The following PILRA variants were observed in gnomAD, a reference collection of about 807,000 sequenced individuals.
PILRA encodes the protein paired immunoglobin like type 2 receptor alpha, also known as paired immunoglobulin-like type 2 receptor alpha.
In PILRA, 37 loss-of-function variants were observed where a neutral mutation model predicts 33.1. The ratio of observed to expected loss-of-function variants is 1.12; its 90% CI spans 0.86 to 1.47. The LOEUF is 1.47. Ranked by LOEUF, PILRA falls within the 40% of genes most tolerant of loss-of-function variation. The pLI is 0.00. For missense variants in PILRA, 312 were observed against 376.2 expected (o/e 0.83, Z 1.41); for synonymous variants, 146 against 149.9 (o/e 0.97, Z 0.19).
chr7:100,377,319 C>G (rs919341733), intron 2 of PILRA, among the ~76,000 whole-genome samples: 1 of 141,696 alleles, frequency 7.1e-6, no homozygotes, highest in Non-Finnish European at 1.5e-5. Context: ...CGGCTCGCTG[C>G]AAACTCCGCC....
At chr7:100,388,578 GAA>G (rs549657334) in intron 2 of PILRA, among the ~76,000 whole-genome samples, 28 of 144,564 alleles carry the variant, frequency 1.9e-4, no homozygotes, top group Non-Finnish European at 4.0e-4. Flanking sequence ...ACTAAAAAAA[GAA>G]AAAAAAAATA....
intron 2 of PILRA, 55 bp downstream of exon 2, chr7:100,374,488 T>A: frequency 6.2e-7 from 1 of 1,605,986 alleles, no homozygotes; most frequent in Non-Finnish European, 8.5e-7. Flanking sequence ...GCTTTTATGA[T>A]CACTGGTGAC....
chr7:100,377,391 C>T (rs1393346442), intron 2 of PILRA, among the ~76,000 whole-genome samples: 1 of 151,680 alleles, frequency 6.6e-6, no homozygotes, highest in African/African-American at 2.4e-5. Flanking sequence ...CAGGTGCCCG[C>T]CACCGTGCCC....
intron 3 of PILRA, among the ~76,000 whole-genome samples, chr7:100,394,490 T>C (rs1791451077): frequency 6.7e-6 from 1 of 148,190 alleles, no homozygotes; most frequent in South Asian, 2.1e-4. Context: ...TTATACACCA[T>C]GGGCCAGGCA....
intron 3 of PILRA, among the ~76,000 whole-genome samples, chr7:100,392,495 C>T (rs765175567): frequency 3.3e-5 from 5 of 152,164 alleles, no homozygotes; most frequent in Admixed American, 6.5e-5. Flanking sequence ...ATTAAATGTA[C>T]TGTGTTTAGA....
intron 1 of PILRA, 25 bp from the exon 2 acceptor site, chr7:100,374,019 C>T: frequency 6.2e-7 from 1 of 1,609,194 alleles, no homozygotes; most frequent in South Asian, 1.1e-5. Context: ...AGGTCTCTCC[C>T]CTACTCACTC....
At chr7:100,387,300 G>A (rs1398216132) in intron 2 of PILRA, among the ~76,000 whole-genome samples, 5 of 152,164 alleles carry the variant, frequency 3.3e-5, no homozygotes, top group East Asian at 1.9e-4. Context: ...TGCAACCTCC[G>A]CCTCCCAGGT....
In PILRA at chr7:100,389,980, G is replaced by T. The variant is rs775184667; in HGVS notation, c.547G>T (p.Gly183Cys). 13 of 1,614,010 alleles carry T rather than the reference G, an allele frequency of 8.1e-6. No individual in the cohort carries two copies. Among genetic ancestry groups the T allele is most frequent in the Non-Finnish European group, 8.5e-6 (10 of 1,179,978 alleles). Reference sequence around the variant, plus strand: ...CACAACCGGCCTCAGGGTCACACAGGGCAAACGACGCTCAGACTCTTGGCA... The same window carrying T: ...CACAACCGGCCTCAGGGTCACACAGTGCAAACGACGCTCAGACTCTTGGCA... ...TTTTGLRVTQ[G>C]KRRSDSWHIS... Residue 183 changes from glycine to cysteine, a missense_variant, in exon 3 of 7, where the codon GGC (glycine) becomes TGC (cysteine). Transcript: ENST00000198536.
intron 2 of PILRA, among the ~76,000 whole-genome samples, chr7:100,377,736 G>T (rs1007046917): frequency 6.6e-6 from 1 of 151,086 alleles, no homozygotes; most frequent in Non-Finnish European, 1.5e-5. Context: ...ACAGAGCAAG[G>T]CTTCTTAATT....
intron 2 of PILRA, among the ~76,000 whole-genome samples, chr7:100,389,571 A>T (rs1454144791): frequency 6.6e-6 from 1 of 151,562 alleles, no homozygotes; most frequent in Non-Finnish European, 1.5e-5. Context: ...AGGAAGAAAT[A>T]AAATTAAAGG....
chr7:100,382,097 G>A (rs1329750692), intron 2 of PILRA, among the ~76,000 whole-genome samples: 4 of 147,554 alleles, frequency 2.7e-5, no homozygotes, highest in African/African-American at 9.9e-5. Flanking sequence ...CCCATCGACC[G>A]CCCAAGGGCC....
At chr7:100,394,742 G>A (rs1049121378) in intron 3 of PILRA, among the ~76,000 whole-genome samples, 5 of 152,218 alleles carry the variant, frequency 3.3e-5, no homozygotes, top group African/African-American at 1.2e-4. Context: ...ATGGGCAAAG[G>A]ACAATCTCTT....
At chr7:100,391,818 G>C (rs1742674050) in intron 3 of PILRA, among the ~76,000 whole-genome samples, 1 of 152,222 alleles carries the variant, frequency 6.6e-6, no homozygotes, top group African/African-American at 2.4e-5. Flanking sequence ...AGGAGATCAT[G>C]CTTGGAGGGG....
In PILRA at chr7:100,399,319, TATGAGA is replaced by T; in HGVS notation, c.739_744del (p.Glu247_Asn248del). On this transcript the variant is annotated inframe_deletion, in exon 5 of 7. Coordinates refer to ENST00000198536, the MANE Select transcript of PILRA (RefSeq NM_013439.3). ...ACCCTTCCAAAACACAGAGGAGCCA[TATGAGA>T]ATATCAGGAATGAAGGTGAGTCCTT... The T allele has an allele frequency of 1.9e-6, 3 of 1,612,702 alleles. No homozygotes were observed. Among genetic ancestry groups the T allele is most frequent in the Non-Finnish European group, 2.5e-6 (3 of 1,178,828 alleles).
At chr7:100,373,978 G>T in intron 1 of PILRA, 66 bp from the exon 2 acceptor site, 2 of 1,570,492 alleles carry the variant, frequency 1.3e-6, no homozygotes, top group Non-Finnish European at 1.7e-6. Flanking sequence ...AGGGTCTGGG[G>T]TCACCCTCTT....
chr7:100,378,731 C>T (rs1219861194), intron 2 of PILRA, among the ~76,000 whole-genome samples: 1 of 151,714 alleles, frequency 6.6e-6, no homozygotes, highest in Non-Finnish European at 1.5e-5. Context: ...TTTTTTTACC[C>T]TCCATATTTC....
chr7:100,372,696 G>A (rs1156286155), upstream of PILRA, among the ~76,000 whole-genome samples: 1 of 152,208 alleles, frequency 6.6e-6, no homozygotes, highest in Non-Finnish European at 1.5e-5. Context: ...GGAATGACCT[G>A]AGGGGCTGTA....
At chr7:100,390,662 A>G (rs1188316968) in intron 3 of PILRA, among the ~76,000 whole-genome samples, 1 of 152,192 alleles carries the variant, frequency 6.6e-6, no homozygotes, top group Non-Finnish European at 1.5e-5. Flanking sequence ...GTAATCAGAG[A>G]GGACTTCCCA....
intron 3 of PILRA, among the ~76,000 whole-genome samples, chr7:100,397,439 A>T (rs900094938): frequency 1.3e-5 from 2 of 151,976 alleles, no homozygotes; most frequent in African/African-American, 4.8e-5. Context: ...CCCAAGCACG[A>T]CGCTCCCAAG....
Sources: gnomAD v4.1 joint callset for allele counts (sites outside exome capture counted in the v4.1 genomes callset) on GRCh38, gnomAD v4.1.1 for gene constraint, MANE v1.5 for transcripts, NCBI Gene and HGNC (gene_info 2026-07-23, HGNC 2026-07-21) for gene names.